Variants in PDE4B observed in about 807,000 individuals in gnomAD.
PDE4B encodes 3',5'-cyclic-AMP phosphodiesterase 4B.
Under a neutral mutation model 82.2 loss-of-function variants are expected in PDE4B, and 20 were observed. The observed-to-expected ratio is 0.24, with a 90% CI of 0.17 to 0.35. The LOEUF is 0.35. Ranked by LOEUF, PDE4B falls within the 10% of genes least tolerant of loss-of-function variation. The pLI is 1.00. For missense variants in PDE4B, 655 were observed against 907.2 expected, an observed-to-expected ratio of 0.72 and a Z score of 3.57; for synonymous variants, 320 against 318.9, an observed-to-expected ratio of 1.00 and a Z score of -0.04.
chr1:65,823,474 T>C (rs1374329838), intron 1 of PDE4B, among the ~76,000 whole-genome samples: 1 of 151,942 alleles, frequency 6.6e-6, no homozygotes, highest in Non-Finnish European at 1.5e-5. Flanking sequence ...TGACTGTCTT[T>C]ATGTCTTACT....
At chr1:66,041,196 A>G (rs1220148852) in intron 3 of PDE4B, among the ~76,000 whole-genome samples, 1 of 151,982 alleles carries the variant, frequency 6.6e-6, no homozygotes, top group Non-Finnish European at 1.5e-5. Flanking sequence ...TGGCACAAAG[A>G]TAAACTGTTG....
chr1:66,172,142 G>C (rs545564687), intron 3 of PDE4B, among the ~76,000 whole-genome samples: 75 of 152,116 alleles, frequency 4.9e-4, no homozygotes, highest in Non-Finnish European at 9.4e-4. Flanking sequence ...TATTATTCCT[G>C]TCTTTGTGTC....
intron 2 of PDE4B, among the ~76,000 whole-genome samples, chr1:65,917,932 G>T (rs917037964): frequency 1.3e-5 from 2 of 152,212 alleles, no homozygotes; most frequent in Admixed American, 1.3e-4. Context: ...GGGAGGCCGG[G>T]ACAGGCAGAT....
intron 3 of PDE4B, among the ~76,000 whole-genome samples, chr1:66,125,353 G>A (rs1645802063): frequency 4.0e-5 from 6 of 151,878 alleles, no homozygotes; most frequent in Admixed American, 3.9e-4. Context: ...TAGTAGAGAT[G>A]GGGTTTCACC....
chr1:66,021,697 C>T (rs1020019338), intron 3 of PDE4B, among the ~76,000 whole-genome samples: 2 of 152,250 alleles, frequency 1.3e-5, no homozygotes, highest in South Asian at 4.1e-4. Flanking sequence ...CAGTACCATG[C>T]TATTTTGGTT....
chr1:65,810,874 T>C (rs1012057417), intron 1 of PDE4B, among the ~76,000 whole-genome samples: 2 of 152,224 alleles, frequency 1.3e-5, no homozygotes, highest in African/African-American at 4.8e-5. Flanking sequence ...GAGGATCTAC[T>C]ACTAAATGCC....
chr1:66,098,532 G>T (rs750226218), intron 3 of PDE4B, among the ~76,000 whole-genome samples: 1 of 152,142 alleles, frequency 6.6e-6, no homozygotes, highest in Non-Finnish European at 1.5e-5. Context: ...TCTGAAGCCT[G>T]CAAAGGTTAC....
chr1:65,912,202 T>C (rs564929885), intron 1 of PDE4B, among the ~76,000 whole-genome samples: 1 of 152,294 alleles, frequency 6.6e-6, no homozygotes, highest in African/African-American at 2.4e-5. Flanking sequence ...GAATTCTTTG[T>C]ATTGTCTTGT....
chr1:66,016,888 T>C (rs760999959), intron 3 of PDE4B, among the ~76,000 whole-genome samples: 10 of 152,068 alleles, frequency 6.6e-5, no homozygotes, highest in African/African-American at 9.7e-5. Context: ...GTCAGACTTG[T>C]GTTGGAGGAG....
At chr1:66,247,412 C>G (rs376163105) in intron 3 of PDE4B, 48 bp from the exon 4 acceptor site, 15 of 1,342,066 alleles carry the variant, frequency 1.1e-5, no homozygotes, top group African/African-American at 1.5e-5. Context: ...ACTATGTGTC[C>G]TCCTCCATGG....
At chr1:65,897,227 T>A (rs1646920496) in intron 1 of PDE4B, among the ~76,000 whole-genome samples, 1 of 152,098 alleles carries the variant, frequency 6.6e-6, no homozygotes, top group Non-Finnish European at 1.5e-5. Flanking sequence ...CAACCCAGAG[T>A]TTGTCTGAAT....
intron 3 of PDE4B, among the ~76,000 whole-genome samples, chr1:66,181,867 G>C (rs1490764289): frequency 6.6e-6 from 1 of 152,038 alleles, no homozygotes; most frequent in African/African-American, 2.4e-5. Context: ...TTATTAGTTT[G>C]ATTTGCTATG....
At chr1:65,854,112 T>C (rs1646364879) in intron 1 of PDE4B, among the ~76,000 whole-genome samples, 2 of 151,998 alleles carry the variant, frequency 1.3e-5, no homozygotes, top group Non-Finnish European at 1.5e-5. Flanking sequence ...ATTATACCTC[T>C]TCACACATAA....
At chr1:65,900,798 A>G (rs1044079191) in intron 1 of PDE4B, among the ~76,000 whole-genome samples, 11 of 152,104 alleles carry the variant, frequency 7.2e-5, no homozygotes, top group Non-Finnish European at 1.0e-4. Context: ...ATTTTTGTAC[A>G]CTGATCTTGT....
At chr1:65,815,034 T>G (rs1446612060) in intron 1 of PDE4B, among the ~76,000 whole-genome samples, 2 of 10,892 alleles carry the variant, frequency 1.8e-4, no homozygotes, top group African/African-American at 3.0e-4. Context: ...TATTTATTTA[T>G]TTATTTATTT....
At chr1:66,190,913 C>T (rs187876199) in intron 3 of PDE4B, among the ~76,000 whole-genome samples, 6 of 152,244 alleles carry the variant, frequency 3.9e-5, no homozygotes, top group African/African-American at 1.4e-4. Context: ...CAGAAATCAC[C>T]CGTCTTCTGC....
chr1:66,339,184 A>C (rs756626455), intron 8 of PDE4B, among the ~76,000 whole-genome samples: 13 of 152,190 alleles, frequency 8.5e-5, no homozygotes, highest in Non-Finnish European at 1.9e-4. Flanking sequence ...AAATTTTTGG[A>C]AGTAACATGT....
In PDE4B at chr1:66,173,571, T is replaced by C. The variant is rs538801360; in HGVS notation, c.282-73889T>C. On this transcript the variant is annotated intron_variant, in intron 3 of 16. Transcript: ENST00000341517. ...ACTACTCTTATATGGCAATTTGCAGTGATCAAAATGGAACATCACAATTAA... is the reference window on the plus strand; with the variant it reads ...ACTACTCTTATATGGCAATTTGCAGCGATCAAAATGGAACATCACAATTAA... Among the ~76,000 whole-genome samples the C allele has an allele frequency of 1.3e-5, 2 of 152,352 alleles. 1 individual carries two copies. Among genetic ancestry groups the C allele is most frequent in the South Asian group, 4.1e-4 (2 of 4,830 alleles).
At chr1:66,201,387 T>A (rs1484885916) in intron 3 of PDE4B, among the ~76,000 whole-genome samples, 1 of 152,112 alleles carries the variant, frequency 6.6e-6, no homozygotes, top group African/African-American at 2.4e-5. Context: ...GATTCCCTCT[T>A]TTTCTATTGA....
Sources: gnomAD v4.1 joint callset for allele counts (sites outside exome capture counted in the v4.1 genomes callset) on GRCh38, gnomAD v4.1.1 for gene constraint, MANE v1.5 for transcripts, NCBI Gene and HGNC (gene_info 2026-07-23, HGNC 2026-07-21) for gene names.